RFC1: variants seen among roughly 807,000 people sequenced by gnomAD.
The protein encoded by RFC1 is replication factor C subunit 1, also known as A1 140 kDa subunit.
Under a neutral mutation model 137.4 loss-of-function variants are expected in RFC1, and 37 were observed. The observed-to-expected ratio is 0.27, with a 90% CI of 0.21 to 0.35. The LOEUF (loss-of-function observed/expected upper bound fraction) is 0.35, where lower values mean the gene tolerates loss of function less well. Among genes scored for constraint, RFC1 ranks in the 10% least tolerant of loss-of-function variants. The pLI is 1.00. For synonymous variants in RFC1, 429 were observed against 455.7 expected (o/e 0.94, Z 0.75); for missense variants, 1,205 against 1,358.5 (o/e 0.89, Z 1.78).
intron 11 of RFC1, 142 bp downstream of exon 11, chr4:39,312,610 C>G (rs1051810988): frequency 2.5e-6 from 2 of 787,040 alleles, no homozygotes; most frequent in East Asian, 5.6e-5. Context: ...AATAACACTT[C>G]TGTGGAGAAG....
Position 39,337,435 on chromosome 4 carries a change from A to AGTGTGTGT in RFC1, c.331+4902_331+4909dup, listed in dbSNP as rs71921435. Among the ~76,000 whole-genome samples, 333 of 143,686 alleles carry AGTGTGTGT rather than the reference A, an allele frequency of 2.3e-3. 1 individual carries two copies. The highest frequency in any genetic ancestry group is 3.6e-3 in the Middle Eastern group (1 of 280). The allele number at this position is 143,686 out of a possible 152,430, so 94.3% of individuals were successfully genotyped here. Reference sequence around the variant, plus strand: ...TTTACAATAAGATGCTACTCAAATAAGTGTGTGTGTGTGTGTGTGTGTGTG... The same window carrying AGTGTGTGT: ...TTTACAATAAGATGCTACTCAAATAAGTGTGTGTGTGTGTGTGTGTGTGTGTGTGTGTG... On this transcript the variant is annotated intron_variant, in intron 4 of 24. Coordinates refer to ENST00000349703, the MANE Select transcript of RFC1 (RefSeq NM_002913.5).
intron 9 of RFC1, 92 bp from the exon 10 acceptor site, chr4:39,317,114 G>C: frequency 1.3e-6 from 1 of 749,370 alleles, no homozygotes; most frequent in South Asian, 1.7e-5. Flanking sequence ...TATTTTTATT[G>C]TGTCACTTCT....
intron 1 of RFC1, among the ~76,000 whole-genome samples, chr4:39,353,163 G>A (rs1482014819): frequency 6.6e-6 from 1 of 151,902 alleles, no homozygotes; most frequent in African/African-American, 2.4e-5. Context: ...TACTTTAGGA[G>A]GCCAATGCAA....
chr4:39,366,279 T>C lies in RFC1; in HGVS notation c.-38A>G, dbSNP rs750568258. On this transcript the variant is annotated 5_prime_UTR_variant, in exon 1 of 25. Coordinates refer to ENST00000349703, the MANE Select transcript of RFC1 (RefSeq NM_002913.5). Reference sequence around the variant, plus strand: ...ATGAAGGCGCTGGCTGGCTGGCGGGTGGGCCGGTTGAGGAATCTGTTATCG... The same window carrying C: ...ATGAAGGCGCTGGCTGGCTGGCGGGCGGGCCGGTTGAGGAATCTGTTATCG... 1.2e-5 allele frequency: 19 copies of C among 1,520,388 alleles called. 1 individual carries two copies. The South Asian group carries it at 2.2e-4, about 18-fold the overall frequency. The allele number at this position is 1,520,388 out of a possible 1,614,324, so 94.2% of individuals were successfully genotyped here.
intron 4 of RFC1, among the ~76,000 whole-genome samples, chr4:39,332,503 C>T (rs1740150434): frequency 6.6e-6 from 1 of 152,260 alleles, no homozygotes; most frequent in East Asian, 1.9e-4. Flanking sequence ...ACATAGACCC[C>T]ATTTTCTACA....
rs754708326 is a variant in RFC1 at position 39,300,052 on chromosome 4, C to T, written c.2777G>A (p.Ser926Asn). The T allele has an allele frequency of 6.2e-7, 1 of 1,613,964 alleles. No individual in the cohort carries two copies. Among genetic ancestry groups the T allele is most frequent in the Non-Finnish European group, 8.5e-7 (1 of 1,179,770 alleles). Reference protein sequence around the residue: ...DGDLVDSQIRSKQNWSLLPAQ... With the variant: ...DGDLVDSQIRNKQNWSLLPAQ... ...AGGCAGAAGACTCCAGTTTTGCTTACTCCGGATCTGGCTGTCCACTAGGTC... is the reference window on the plus strand; with the variant it reads ...AGGCAGAAGACTCCAGTTTTGCTTATTCCGGATCTGGCTGTCCACTAGGTC... Residue 926 changes from serine to asparagine, a missense_variant, in exon 21 of 25, where the codon AGT (serine) becomes AAT (asparagine). Around this residue, in one of 3 missense-constraint regions of RFC1, gnomAD observed 237 missense variants for 304.2 expected, o/e 0.78. Coordinates refer to ENST00000349703, the MANE Select transcript of RFC1 (RefSeq NM_002913.5).
chr4:39,334,032 AAC>A (rs1367786072), intron 4 of RFC1, among the ~76,000 whole-genome samples: 2 of 152,090 alleles, frequency 1.3e-5, no homozygotes, highest in African/African-American at 2.4e-5. Flanking sequence ...ACTCTAGTAA[AAC>A]ACAGTTATGA....
At chr4:39,326,539 T>C (rs370877403) in intron 6 of RFC1, 24 bp downstream of exon 6, 2 of 1,602,794 alleles carry the variant, frequency 1.2e-6, no homozygotes, top group African/African-American at 1.3e-5. Context: ...AAGTTACTAA[T>C]GATTCTAAGC....
intron 2 of RFC1, 24 bp from the exon 3 acceptor site, chr4:39,345,500 G>A (rs1224456889): frequency 1.3e-6 from 2 of 1,545,208 alleles, no homozygotes; most frequent in Non-Finnish European, 1.8e-6. Flanking sequence ...AATATAATTA[G>A]AACATAAAGA....
At position 39,302,482 on chromosome 4, in the gene RFC1, G is replaced by T; in HGVS notation, c.2436+18C>A. On this transcript the variant is annotated intron_variant, in intron 18 of 24. Transcript: ENST00000349703. ...TAAAAATAATCAACAACTGTTACAT[G>T]ATATATATTTAATTTACCTGTCTGA... is the stretch of plus-strand genomic sequence containing the variant. 6.5e-7 allele frequency: 1 copy of T among 1,530,488 alleles called. No homozygotes were observed. The highest frequency in any genetic ancestry group is 9.0e-7 in the Non-Finnish European group (1 of 1,104,988). The allele number at this position is 1,530,488 out of a possible 1,614,324, so 94.8% of individuals were successfully genotyped here.
At chr4:39,303,298 G>C (rs73238567) in intron 15 of RFC1, 147 bp from the exon 16 acceptor site, 5 of 405,482 alleles carry the variant, frequency 1.2e-5, no homozygotes, top group Non-Finnish European at 1.3e-5. Flanking sequence ...TGTTGTTAAA[G>C]AAAAAAAAAA....
chr4:39,293,114 C>T (rs903282106), intron 22 of RFC1, among the ~76,000 whole-genome samples: 2 of 152,132 alleles, frequency 1.3e-5, no homozygotes, highest in African/African-American at 2.4e-5. Context: ...GACTCACCCT[C>T]GCAACTATTA....
At chr4:39,292,060 G>C (rs1209011119) in intron 22 of RFC1, 1 of 515,650 alleles carries the variant, frequency 1.9e-6, no homozygotes, top group Non-Finnish European at 3.4e-6. Context: ...TGTGCCCAAA[G>C]GAAATTTTCT....
chr4:39,348,466 A>ACGGGACGGG (rs1741013622), intron 2 of RFC1, among the ~76,000 whole-genome samples: 1 of 128,506 alleles, frequency 7.8e-6, no homozygotes, highest in Non-Finnish European at 1.8e-5. Context: ...AAAGAAAAGA[A>ACGGGACGGG]AAGAAAAGAA....
intron 2 of RFC1, among the ~76,000 whole-genome samples, chr4:39,345,834 G>T (rs1165515153): frequency 6.6e-6 from 1 of 152,046 alleles, no homozygotes; most frequent in African/African-American, 2.4e-5. Flanking sequence ...CACAAATGGG[G>T]GTAGGGAGGT....
chr4:39,349,159 G>A (rs1741059247), intron 2 of RFC1, among the ~76,000 whole-genome samples: 1 of 152,134 alleles, frequency 6.6e-6, no homozygotes, highest in African/African-American at 2.4e-5. Flanking sequence ...CTTCAGACTT[G>A]ATGCTGAAAT....
In RFC1 at chr4:39,366,334, T is replaced by A; in HGVS notation, c.-93A>T. On this transcript the variant is annotated 5_prime_UTR_variant, in exon 1 of 25. Coordinates refer to ENST00000349703, the MANE Select transcript of RFC1 (RefSeq NM_002913.5). Reference sequence around the variant, plus strand: ...TCAGGATCCATTCGCGCCAACAACTTCTCCCGCGAAGTGCAAGAAGGCGAA... The same window carrying A: ...TCAGGATCCATTCGCGCCAACAACTACTCCCGCGAAGTGCAAGAAGGCGAA... The A allele has an allele frequency of 1.5e-6, 2 of 1,353,450 alleles. No individual in the cohort carries two copies. The highest frequency in any genetic ancestry group is 1.9e-6 in the Non-Finnish European group (2 of 1,033,264). The allele number at this position is 1,353,450 out of a possible 1,614,324, so 83.8% of individuals were successfully genotyped here.
At chr4:39,342,002 C>T (rs1421897785) in intron 4 of RFC1, among the ~76,000 whole-genome samples, 2 of 152,138 alleles carry the variant, frequency 1.3e-5, no homozygotes, top group Non-Finnish European at 2.9e-5. Context: ...AATCACTCTA[C>T]ACTTAGATTA....
intron 1 of RFC1, among the ~76,000 whole-genome samples, chr4:39,358,628 T>A (rs1741598468): frequency 6.6e-6 from 1 of 152,188 alleles, no homozygotes; most frequent in Non-Finnish European, 1.5e-5. Context: ...TTTATTAAAA[T>A]AAGCCAAAAT....
Sources: allele counts gnomAD v4.1 joint callset (sites outside exome capture counted in the v4.1 genomes callset), GRCh38; gene constraint gnomAD v4.1.1; regional missense constraint gnomAD v4.1.1; transcripts MANE v1.5; gene names NCBI Gene and HGNC (gene_info 2026-07-23, HGNC 2026-07-21).